Variants in MIS12 observed in about 807,000 individuals in gnomAD.
The protein encoded by MIS12 is MIS12 kinetochore complex component, also known as protein MIS12 homolog.
In MIS12, 13 loss-of-function variants were observed where a neutral mutation model predicts 16.5. The observed-to-expected ratio is 0.79, with a 90% confidence interval of 0.51 to 1.25. The LOEUF is 1.25. MIS12 is among the 50% of genes most tolerant of loss of function. The pLI, the probability that MIS12 is intolerant of heterozygous loss-of-function variation, is 0.00. For missense variants in MIS12, 199 were observed against 239.5 expected (o/e 0.83, Z 1.12); for synonymous variants, 97 against 87.3 (o/e 1.11, Z -0.62).
chr17:5,488,819 G>C lies in MIS12; in HGVS notation c.-40-4G>C, dbSNP rs745816139. 1.9e-6 allele frequency: 3 copies of C among 1,551,450 alleles called. No homozygotes were observed. The highest frequency in any genetic ancestry group is 1.4e-5 in the African/African-American group (1 of 71,960). On this transcript the variant is annotated splice_polypyrimidine_tract_variant and splice_region_variant and intron_variant, in intron 2 of 2. Coordinates refer to ENST00000611091, the MANE Select transcript of MIS12 (RefSeq NM_001258217.2). ...AATGAATTATTTCCTTTTTACATTTGCAGGTTTTTCACGACTGAAAACAAC... is the reference window on the plus strand; with the variant it reads ...AATGAATTATTTCCTTTTTACATTTCCAGGTTTTTCACGACTGAAAACAAC...
intron 1 of MIS12, chr17:5,487,103 G>C (rs916267109): frequency 6.6e-6 from 1 of 152,284 alleles, no homozygotes; most frequent in Non-Finnish European, 1.5e-5. Context: ...AATCAAGGAA[G>C]TGTATTTTTT....
rs759150398 is a variant in MIS12, at chr17:5,488,844, CAT to C, written c.-17_-16del. ...GCAGGTTTTTCACGACTGAAAACAA[CAT>C]AGCAAAATAAGCCAAGATGTCTGTG... On this transcript the variant is annotated 5_prime_UTR_variant, in exon 3 of 3. It removes the in-frame stop codon of an upstream open reading frame in the 5' UTR. Transcript: ENST00000611091. The C allele has an allele frequency of 4.4e-6, 7 of 1,591,058 alleles. No individual in the cohort carries two copies. The highest frequency in any genetic ancestry group is 1.8e-5 in the Admixed American group (1 of 56,312).
upstream of MIS12, chr17:5,486,432 T>G: frequency 6.2e-6 from 2 of 321,260 alleles, no homozygotes; most frequent in Non-Finnish European, 1.1e-5. Context: ...TAAGTACAGG[T>G]TCCTTCTGCC....
Position 5,489,262 on chromosome 17 carries a change from A to G in MIS12, c.400A>G (p.Thr134Ala). 6.2e-7 allele frequency: 1 copy of G among 1,614,156 alleles called. No homozygotes were observed. Among genetic ancestry groups the G allele is most frequent in the Non-Finnish European group, 8.5e-7 (1 of 1,180,042 alleles). Residue 134 changes from threonine (T) to alanine (A), a missense_variant, in exon 3 of 3, where the codon ACT becomes GCT. Thr to Ala is a moderately conservative substitution (Grantham distance 58). Coordinates refer to ENST00000611091, the MANE Select transcript of MIS12 (RefSeq NM_001258217.2). ...GGAGAAGTACAAGACTGAATTATGT[A>G]CTAAGCAGGCCCTTCTTGCAGAATT... ...LQEKYKTELCTKQALLAELEE... is the reference protein window; with the variant it reads ...LQEKYKTELCAKQALLAELEE...
At chr17:5,488,702 G>A in intron 2 of MIS12, 113 bp downstream of exon 2, 1 of 773,570 alleles carries the variant, frequency 1.3e-6, no homozygotes, top group Non-Finnish European at 2.0e-6. Context: ...AGGTATAAAG[G>A]AACACAAACT....
At position 5,489,196 on chromosome 17, in the gene MIS12, G is replaced by A. The variant is rs1253464589; in HGVS notation, c.334G>A (p.Glu112Lys). 1.2e-6 allele frequency: 2 copies of A among 1,614,092 alleles called. No homozygotes were observed. The highest frequency in any genetic ancestry group is 1.7e-6 in the Non-Finnish European group (2 of 1,180,056). ...DKCKETPYSE[E>K]DFQHLQKEIE... ...ATGTAAGGAGACACCTTATAGTGAG[G>A]AAGATTTTCAGCATCTCCAGAAAGA... Residue 112 changes from glutamate (E) to lysine (K), a missense_variant, in exon 3 of 3, where the codon GAA becomes AAA. Glu to Lys is a moderately conservative substitution (Grantham distance 56, BLOSUM62 1). Coordinates refer to ENST00000611091, the MANE Select transcript of MIS12 (RefSeq NM_001258217.2).
In MIS12 at chr17:5,489,591, T is replaced by C; in HGVS notation, c.*111T>C. 1.7e-6 allele frequency: 2 copies of C among 1,203,308 alleles called. No homozygotes were observed. Among genetic ancestry groups the C allele is most frequent in the Non-Finnish European group, 2.3e-6 (2 of 878,122 alleles). The allele number at this position is 1,203,308 out of a possible 1,614,324, so 74.5% of individuals were successfully genotyped here. On this transcript the variant is annotated 3_prime_UTR_variant, in exon 3 of 3. Coordinates refer to ENST00000611091, the MANE Select transcript of MIS12 (RefSeq NM_001258217.2). The stretch of plus-strand genomic sequence containing the variant: ...GTGACTGTTCAAACCAACCATACTT[T>C]TTATTAGATTTGCTTTGTCAACTCT...
rs897207274 is a variant in MIS12 at position 5,489,834 on chromosome 17, A to G, written c.*354A>G. ...CTTACTCTTTGGATGAGACCAGACAAGAAAAGGATTAAACGGGTGGCTCCT... is the reference window on the plus strand; with the variant it reads ...CTTACTCTTTGGATGAGACCAGACAGGAAAAGGATTAAACGGGTGGCTCCT... On this transcript the variant is annotated 3_prime_UTR_variant, in exon 3 of 3. Coordinates refer to ENST00000611091, the MANE Select transcript of MIS12 (RefSeq NM_001258217.2). 2.6e-5 allele frequency: 5 copies of G among 189,892 alleles called. No individual in the cohort carries two copies. The highest frequency in any genetic ancestry group is 6.0e-5 in the Non-Finnish European group (5 of 83,840). The allele number at this position is 189,892 out of a possible 1,614,324, so 11.8% of individuals were successfully genotyped here.
chr17:5,487,992 T>TAGAA (rs1906497720), intron 1 of MIS12, among the ~76,000 whole-genome samples: 1 of 152,192 alleles, frequency 6.6e-6, no homozygotes, highest in Non-Finnish European at 1.5e-5. Context: ...AATAATAAAA[T>TAGAA]TTCTCTTATT....
chr17:5,490,337 A>G lies in MIS12; in HGVS notation c.*857A>G, dbSNP rs185283024. On this transcript the variant is annotated 3_prime_UTR_variant, in exon 3 of 3. Coordinates refer to ENST00000611091, the MANE Select transcript of MIS12 (RefSeq NM_001258217.2). ...ACCTTAGACAAAAAAAGCAGAACCC[A>G]CTGGAGTAGAAAAGGAAGCATGTAG... 4.8e-4 allele frequency: 80 copies of G among 167,268 alleles called. 1 individual carries two copies. The highest frequency in any genetic ancestry group is 1.9e-3 in the African/African-American group (77 of 41,600). 10.4% of individuals were successfully genotyped at this position (167,268 alleles called of 1,614,324 possible).
chr17:5,488,728 AT>A lies in MIS12; in HGVS notation c.-40-92del, dbSNP rs1906550903. The A allele has an allele frequency of 3.1e-6, 3 of 963,020 alleles. No homozygotes were observed. The South Asian group carries it at 5.3e-5, about 17-fold the overall frequency. The allele number at this position is 963,020 out of a possible 1,614,324, so 59.7% of individuals were successfully genotyped here. On this transcript the variant is annotated intron_variant, in intron 2 of 2. Transcript: ENST00000611091. ...AACACAAACTCCTTATTTTTTATTGATTTGCTTCTTTGTTTGCTATCTGTAA... is the reference window on the plus strand; with the variant it reads ...AACACAAACTCCTTATTTTTTATTGATTGCTTCTTTGTTTGCTATCTGTAA...
intron 1 of MIS12, chr17:5,487,255 C>CT (rs368021984): frequency 5.3e-5 from 8 of 151,404 alleles, no homozygotes; most frequent in African/African-American, 1.9e-4. Context: ...AAGAGTGACA[C>CT]TTTGTCTCAA....
In MIS12 at chr17:5,489,687, G is replaced by T. The variant is rs74582818; in HGVS notation, c.*207G>T. 3.6e-4 allele frequency: 180 copies of T among 498,912 alleles called. 2 individuals are homozygous for T. In the South Asian group the frequency reaches 5.6e-3, roughly 16 times the overall value. The allele number at this position is 498,912 out of a possible 1,614,324, so 30.9% of individuals were successfully genotyped here. On this transcript the variant is annotated 3_prime_UTR_variant, in exon 3 of 3. Transcript: ENST00000611091. ...GTATGAAGTGTACTACTTTGAACTA[G>T]GCTGAAGCATCTGAGTCTTCTAATA...
intron 1 of MIS12, among the ~76,000 whole-genome samples, chr17:5,487,949 A>C (rs1167298414): frequency 6.6e-6 from 1 of 152,244 alleles, no homozygotes; most frequent in Non-Finnish European, 1.5e-5. Context: ...TTGAAGTAGC[A>C]GTTTGTTTTA....
Position 5,489,775 on chromosome 17 carries a change from G to C in MIS12, c.*295G>C. ...AAAGATATTTGCAGAGTTACACCTT[G>C]GTCATAAGTCCTTTGTGACCTTGAT... On this transcript the variant is annotated 3_prime_UTR_variant, in exon 3 of 3. Coordinates refer to ENST00000611091, the MANE Select transcript of MIS12 (RefSeq NM_001258217.2). The C allele has an allele frequency of 3.6e-6, 1 of 278,664 alleles. No individual in the cohort carries two copies. The allele number at this position is 278,664 out of a possible 1,614,324, so 17.3% of individuals were successfully genotyped here. A position where few individuals can be genotyped will look rare whatever the true frequency, so the allele number is the denominator to read the frequency against.
upstream of MIS12, chr17:5,486,390 T>G: frequency 1.7e-5 from 7 of 418,102 alleles, no homozygotes; most frequent in Admixed American, 4.0e-5. Context: ...CCACCCTCTC[T>G]TCTCCACCAG....
chr17:5,489,480 A>G lies in MIS12; in HGVS notation c.618A>G (p.Ter206=). 6.3e-7 allele frequency: 1 copy of G among 1,579,690 alleles called. No individual in the cohort carries two copies. Among genetic ancestry groups the G allele is most frequent in the Non-Finnish European group, 8.6e-7 (1 of 1,167,812 alleles). The change falls in exon 3 of 3, where the codon TAA becomes TAG. Residue 206 remains the stop codon, a stop_retained_variant. Transcript: ENST00000611091. ...EKESKRLKIS[*] ...AATCGAAACGACTGAAAATATCTTA[A>G]TTGCTCAGTAGTCAAAAGGAGGAGC...
chr17:5,486,742 A>T (rs1805434), intron 1 of MIS12, 58 bp downstream of exon 1: 66,824 of 152,548 alleles, frequency 0.44, 17,460 homozygotes, highest in African/African-American at 0.74. Context: ...CGAGACTGGC[A>T]TAAGCGTCTT....
chr17:5,488,921 G>T lies in MIS12; in HGVS notation c.59G>T (p.Cys20Phe). ...AQFFGFTPQT[C>F]MLRIYIAFQD... The stretch of plus-strand genomic sequence containing the variant: ...TTCTTTGGCTTCACGCCACAAACGT[G>T]CATGCTTCGGATCTACATTGCATTT... Residue 20 changes from cysteine to phenylalanine, a missense_variant, in exon 3 of 3, where the codon TGC becomes TTC. Coordinates refer to ENST00000611091, the MANE Select transcript of MIS12 (RefSeq NM_001258217.2). The T allele has an allele frequency of 6.2e-7, 1 of 1,614,156 alleles. No individual in the cohort carries two copies. The highest frequency in any genetic ancestry group is 8.5e-7 in the Non-Finnish European group (1 of 1,180,024).
Sources: allele counts gnomAD v4.1 joint callset (sites outside exome capture counted in the v4.1 genomes callset), GRCh38; gene constraint gnomAD v4.1.1; transcripts MANE v1.5; gene names NCBI Gene and HGNC (gene_info 2026-07-23, HGNC 2026-07-21).